Variants in TESMIN observed in about 807,000 individuals in gnomAD.
The protein encoded by TESMIN is CXC domain containing 2.
Under a neutral mutation model 47.4 loss-of-function variants are expected in TESMIN, and 34 were observed. The ratio of observed to expected loss-of-function variants is 0.72; its 90% CI spans 0.55 to 0.96. TESMIN has a LOEUF of 0.96. TESMIN is among the 40% of genes least tolerant of loss of function. The pLI is 0.00. For missense variants in TESMIN, 610 were observed against 637.2 expected (o/e 0.96, Z 0.46); for synonymous variants, 278 against 258.9 (o/e 1.07, Z -0.71).
At position 68,750,330 on chromosome 11, in the gene TESMIN, G is replaced by T. The variant is rs1316159304; in HGVS notation, c.331C>A (p.Leu111Ile). 4 of 1,507,988 alleles carry T rather than the reference G, an allele frequency of 2.7e-6. No homozygotes were observed. In the Admixed American group the frequency reaches 8.8e-5, roughly 33 times the overall value. 93.4% of individuals were successfully genotyped at this position (1,507,988 alleles called of 1,614,324 possible). ...PELSALEDVALLQAPQPPACN... is the reference protein window; with the variant it reads ...PELSALEDVAILQAPQPPACN... Reference sequence around the variant, plus strand: ...GCGGGCGGCTGCGGGGCCTGCAGGAGCGCGACGTCCTCCAGCGCGCTGAGC... The same window carrying T: ...GCGGGCGGCTGCGGGGCCTGCAGGATCGCGACGTCCTCCAGCGCGCTGAGC... The change falls in exon 2 of 10, where the codon CTC becomes ATC. Residue 111 changes from leucine (L) to isoleucine (I), a missense_variant. Physicochemically the swap from Leu to Ile is conservative, Grantham distance 5. Coordinates refer to ENST00000255087, the MANE Select transcript of TESMIN (RefSeq NM_004923.3).
chr11:68,745,019 A>G lies in TESMIN; in HGVS notation c.723T>C (p.Tyr241=), dbSNP rs771943100. 26 of 1,583,170 alleles carry G rather than the reference A, an allele frequency of 1.6e-5. 2 individuals are homozygous for G. The South Asian group carries it at 3.1e-4, about 19-fold the overall frequency. ...ELKALHLVPQ[Y]QDQNNYLQSD... ...ACTGTAGATAATTATTTTGATCTTG[A>G]TACTGAGGAACCAAATGGAGTGCTT... Residue 241 remains tyrosine, a synonymous_variant, in exon 4 of 10, where the codon TAT becomes TAC. Transcript: ENST00000255087.
In TESMIN at chr11:68,738,764, C is replaced by T; in HGVS notation, c.853G>A (p.Val285Ile). The T allele has an allele frequency of 6.2e-7, 1 of 1,614,104 alleles. No individual in the cohort carries two copies. The highest frequency in any genetic ancestry group is 8.5e-7 in the Non-Finnish European group (1 of 1,179,950). ...QQLEGALPSV[V>I]NGSAFPSGST... is the part of the protein sequence containing the mutation. ...CCCGAGGGGAAAGCAGACCCGTTGA[C>T]TACCGATGGTAAGGCTCCCTCAAGC... The change falls in exon 6 of 10, where the codon GTC (valine) becomes ATC (isoleucine). Residue 285 changes from valine (V) to isoleucine (I), a missense_variant. Transcript: ENST00000255087.
At chr11:68,747,409 A>G in intron 2 of TESMIN, 43 bp from the exon 3 acceptor site, 1 of 1,536,696 alleles carries the variant, frequency 6.5e-7, no homozygotes, top group Non-Finnish European at 9.0e-7. Flanking sequence ...CATGGTGGAC[A>G]CTGGCTCTTG....
At position 68,713,245 on chromosome 11, in the gene TESMIN, G is replaced by T. The variant is rs780741672; in HGVS notation, c.1158+25C>A. ...ACATATTTACCTGTGTTTTTTGTTA[G>T]TGAGTTAGGGAGCTGGGCACTAACC... On this transcript the variant is annotated intron_variant, in intron 8 of 9. Transcript: ENST00000255087. 9 of 1,581,986 alleles carry T rather than the reference G, an allele frequency of 5.7e-6. No individual in the cohort carries two copies. The Admixed American group carries it at 7.2e-5, about 13-fold the overall frequency.
Position 68,710,885 on chromosome 11 carries a change from G to A in TESMIN, c.1323C>T (p.Phe441=), listed in dbSNP as rs1241484486. The A allele has an allele frequency of 6.2e-7, 1 of 1,612,446 alleles. No homozygotes were observed. The highest frequency in any genetic ancestry group is 8.5e-7 in the Non-Finnish European group (1 of 1,179,522). Residue 441 remains phenylalanine, a synonymous_variant, in exon 9 of 10, where the codon TTC becomes TTT. Transcript: ENST00000255087. Reference sequence around the variant, plus strand: ...TTCAAAGTACCTACCTATCGTGACTGAATCTTGGAAGTCCTGAAAATTTCG... The same window carrying A: ...TTCAAAGTACCTACCTATCGTGACTAAATCTTGGAAGTCCTGAAAATTTCG... The part of the protein sequence containing the change: ...PPTKFSGLPR[F]SHDRRPSSCI...
intron 6 of TESMIN, among the ~76,000 whole-genome samples, chr11:68,717,475 C>A (rs949519045): frequency 1.3e-5 from 2 of 152,196 alleles, no homozygotes; most frequent in Non-Finnish European, 2.9e-5. Flanking sequence ...AGACACATCC[C>A]CTGCAGGGAG....
intron 6 of TESMIN, among the ~76,000 whole-genome samples, chr11:68,722,947 G>A (rs576172578): frequency 1.3e-5 from 2 of 152,146 alleles, no homozygotes; most frequent in East Asian, 1.9e-4. Context: ...AAAAGGAGAC[G>A]AATTCATAAT....
At chr11:68,721,458 C>T (rs1946202818) in intron 6 of TESMIN, among the ~76,000 whole-genome samples, 1 of 152,012 alleles carries the variant, frequency 6.6e-6, no homozygotes. Context: ...ATTACTGCTC[C>T]TTTGCCACAT....
chr11:68,720,728 C>T (rs1946195050), intron 6 of TESMIN, among the ~76,000 whole-genome samples: 1 of 152,188 alleles, frequency 6.6e-6, no homozygotes. Context: ...CTCTGTTTCC[C>T]CACATCCAAG....
At chr11:68,723,553 A>G (rs1387537065) in intron 6 of TESMIN, among the ~76,000 whole-genome samples, 1 of 151,988 alleles carries the variant, frequency 6.6e-6, no homozygotes, top group East Asian at 1.9e-4. Flanking sequence ...GGAAATAATA[A>G]AGACAGCAGT....
rs1023807519 is a variant in TESMIN at position 68,715,667 on chromosome 11, C to CCGCTTGT, written c.1020+163_1020+169dup. Among the ~76,000 whole-genome samples, 92 of 152,300 alleles carry CCGCTTGT rather than the reference C, an allele frequency of 6.0e-4. 1 individual carries two copies. The highest frequency in any genetic ancestry group is 2.1e-3 in the African/African-American group (87 of 41,556). On this transcript the variant is annotated intron_variant, in intron 7 of 9. Transcript: ENST00000255087. ...TCTCTGCCTACCACTTTTACAACAG[C>CCGCTTGT]CGCTTGTCGTGGTTCAATACCCCCA...
chr11:68,722,591 TAAAG>T (rs1208116297), intron 6 of TESMIN, among the ~76,000 whole-genome samples: 1 of 152,182 alleles, frequency 6.6e-6, no homozygotes, highest in Non-Finnish European at 1.5e-5. Flanking sequence ...GCAAATAGAT[TAAAG>T]AAAGCTATTG....
intron 5 of TESMIN, among the ~76,000 whole-genome samples, chr11:68,741,900 T>C (rs1367230006): frequency 1.3e-5 from 2 of 152,224 alleles, no homozygotes; most frequent in African/African-American, 2.4e-5. Context: ...AAGAGCGTAT[T>C]TGTCCTCTAC....
intron 6 of TESMIN, among the ~76,000 whole-genome samples, chr11:68,731,524 C>T (rs1481096869): frequency 6.6e-6 from 1 of 152,158 alleles, no homozygotes; most frequent in African/African-American, 2.4e-5. Context: ...CTGTATACAG[C>T]AGAGACTCCC....
Position 68,742,365 on chromosome 11 carries a change from C to G in TESMIN, c.781G>C (p.Gly261Arg). The G allele has an allele frequency of 1.2e-6, 2 of 1,603,222 alleles. No individual in the cohort carries two copies. The highest frequency in any genetic ancestry group is 1.7e-4 in the Middle Eastern group (1 of 5,946). ...TTTGTTGATGCTGGCAAAAATCTCC[C>G]TACTAAAGCAGTCATTGGTTTAGGG... ...DVPKPMTALV[G>R]RFLPASTKLN... Residue 261 changes from glycine (G) to arginine (R), a missense_variant, in exon 5 of 10, where the codon GGG becomes CGG. Transcript: ENST00000255087.
chr11:68,738,033 G>A (rs746834408), intron 6 of TESMIN: 2 of 985,412 alleles, frequency 2.0e-6, no homozygotes, highest in African/African-American at 1.7e-5. Flanking sequence ...CGAATGGAGA[G>A]GGTTGCCCAA....
At position 68,738,791 on chromosome 11, in the gene TESMIN, G is replaced by A. The variant is rs1279423019; in HGVS notation, c.829-3C>T. On this transcript the variant is annotated splice_region_variant and splice_polypyrimidine_tract_variant and intron_variant, in intron 5 of 9. Coordinates refer to ENST00000255087, the MANE Select transcript of TESMIN (RefSeq NM_004923.3). ...ACCGATGGTAAGGCTCCCTCAAGCT[G>A]TTCAAAGTCAAAGGCAAGGATATTT... 1.6e-5 allele frequency: 26 copies of A among 1,610,286 alleles called. No individual in the cohort carries two copies. Among genetic ancestry groups the A allele is most frequent in the Non-Finnish European group, 2.0e-5 (24 of 1,176,748 alleles).
chr11:68,727,976 G>A (rs1050303249), intron 6 of TESMIN, among the ~76,000 whole-genome samples: 1 of 152,210 alleles, frequency 6.6e-6, no homozygotes, highest in African/African-American at 2.4e-5. Context: ...ACTGATGAAT[G>A]CTGAGTGTGT....
At chr11:68,709,647 T>C (rs1405688294) in intron 9 of TESMIN, among the ~76,000 whole-genome samples, 1 of 152,048 alleles carries the variant, frequency 6.6e-6, no homozygotes, top group Non-Finnish European at 1.5e-5. Context: ...AAGCAAAATG[T>C]TGGATTAAAG....
Sources: gnomAD v4.1 joint callset for allele counts (sites outside exome capture counted in the v4.1 genomes callset) on GRCh38, gnomAD v4.1.1 for gene constraint, MANE v1.5 for transcripts, NCBI Gene and HGNC (gene_info 2026-07-23, HGNC 2026-07-21) for gene names.